Variants in LIMCH1 observed in about 807,000 individuals in gnomAD.
LIMCH1 encodes the protein LIM and calponin homology domains-containing protein 1.
In LIMCH1, 113 loss-of-function variants were observed where a neutral mutation model predicts 176.5. The ratio of observed to expected loss-of-function variants is 0.64; its 90% CI spans 0.55 to 0.75. The LOEUF is 0.75. LIMCH1 is among the 30% of genes least tolerant of loss of function. The pLI, the probability that LIMCH1 is intolerant of heterozygous loss-of-function variation, is 0.00. For missense variants in LIMCH1, 1,674 were observed against 1,814.9 expected (o/e 0.92, Z 1.41); for synonymous variants, 619 against 645.9 (o/e 0.96, Z 0.63).
At chr4:41,364,629 A>C (rs547983238) in intron 1 of LIMCH1, among the ~76,000 whole-genome samples, 49 of 152,308 alleles carry the variant, frequency 3.2e-4, no homozygotes, top group African/African-American at 1.1e-3. Context: ...TAGTCCATCA[A>C]AGCTTAGAAA....
rs538362017 is a variant in LIMCH1, at chr4:41,598,074, T to C, written c.-240-846T>C. Among the ~76,000 whole-genome samples, 389 of 152,348 alleles carry C rather than the reference T, an allele frequency of 2.6e-3. 1 individual carries two copies. Among genetic ancestry groups the C allele is most frequent in the African/African-American group, 9.1e-3 (379 of 41,586 alleles). Reference sequence around the variant, plus strand: ...CTATCCTGTAGTTTTCACTAACTGATGGGGTCAGTTAGCACCTTCAAAAGT... The same window carrying C: ...CTATCCTGTAGTTTTCACTAACTGACGGGGTCAGTTAGCACCTTCAAAAGT... On this transcript the variant is annotated intron_variant, in intron 1 of 31. Transcript: ENST00000503057.
At chr4:41,374,041 G>A (rs1455276022) in intron 1 of LIMCH1, among the ~76,000 whole-genome samples, 1 of 152,164 alleles carries the variant, frequency 6.6e-6, no homozygotes, top group African/African-American at 2.4e-5. Flanking sequence ...TGTAGAGCCT[G>A]CAGGACTGTA....
chr4:41,441,434 CTT>C lies in LIMCH1; in HGVS notation c.97-53101_97-53100del. Among the ~76,000 whole-genome samples the C allele has an allele frequency of 2.0e-5, 3 of 152,162 alleles. No individual in the cohort carries two copies. The South Asian group carries it at 6.2e-4, about 32-fold the overall frequency. The stretch of plus-strand genomic sequence containing the variant: ...CTTAAAAACTTAGGGCATTCTCTCT[CTT>C]GAGTCGGTCATTTTTTTTTCACTTT... On this transcript the variant is annotated intron_variant, in intron 1 of 26. Coordinates refer to the LIMCH1 transcript ENST00000313860.
intron 14 of LIMCH1, among the ~76,000 whole-genome samples, chr4:41,641,477 T>G (rs1050235803): frequency 6.6e-6 from 1 of 151,916 alleles, no homozygotes; most frequent in Admixed American, 6.6e-5. Context: ...AAAAAAATCT[T>G]GAGAAAAAAA....
chr4:41,550,968 A>G lies in LIMCH1; in HGVS notation c.-241+12618A>G, dbSNP rs191945734. On this transcript the variant is annotated intron_variant, in intron 1 of 31. Transcript: ENST00000503057. ...AAATATGATTAATTACAAAGCTTTT[A>G]GCTTCCATCAGACTTAGTTAATTTC... is the stretch of plus-strand genomic sequence containing the variant. 2.0e-3 allele frequency among the ~76,000 whole-genome samples: 298 copies of G among 152,340 alleles called. 1 individual carries two copies. Among genetic ancestry groups the G allele is most frequent in the South Asian group, 7.7e-3 (37 of 4,832 alleles).
chr4:41,626,621 T>G, intron 7 of LIMCH1, 87 bp from the exon 8 acceptor site: 2 of 1,092,764 alleles, frequency 1.8e-6, no homozygotes, highest in East Asian at 5.2e-5. Flanking sequence ...GACTTTTCAC[T>G]AACAACACAG....
intron 1 of LIMCH1, among the ~76,000 whole-genome samples, chr4:41,571,334 A>G (rs1396976151): frequency 6.6e-6 from 1 of 152,090 alleles, no homozygotes; most frequent in Non-Finnish European, 1.5e-5. Context: ...AAGGAAGGAG[A>G]GACTTCTTTT....
intron 2 of LIMCH1, among the ~76,000 whole-genome samples, chr4:41,511,623 G>C (rs2074938403): frequency 6.6e-6 from 1 of 152,196 alleles, no homozygotes; most frequent in Non-Finnish European, 1.5e-5. Context: ...TATGCCTAAT[G>C]GTGCTTGCAC....
chr4:41,479,613 C>G (rs2068266093), intron 1 of LIMCH1, among the ~76,000 whole-genome samples: 1 of 152,140 alleles, frequency 6.6e-6, no homozygotes, highest in South Asian at 2.1e-4. Context: ...ATATATTTAG[C>G]TTTCCCCAAA....
chr4:41,552,127 T>C, intron 1 of LIMCH1, among the ~76,000 whole-genome samples: 1 of 152,128 alleles, frequency 6.6e-6, no homozygotes, highest in East Asian at 1.9e-4. Flanking sequence ...GTTATGAGAC[T>C]TATTCACTAT....
intron 1 of LIMCH1, among the ~76,000 whole-genome samples, chr4:41,544,811 C>T (rs937553861): frequency 1.3e-5 from 2 of 152,196 alleles, no homozygotes; most frequent in African/African-American, 4.8e-5. Flanking sequence ...CCTCATTTAT[C>T]TGTGCTGGGG....
intron 23 of LIMCH1, among the ~76,000 whole-genome samples, chr4:41,678,320 G>A (rs2153037451): frequency 6.6e-6 from 1 of 152,114 alleles, no homozygotes; most frequent in Non-Finnish European, 1.5e-5. Flanking sequence ...AGGTGGTAGT[G>A]TGGTTTTGGC....
At chr4:41,667,380 A>G (rs1418263016) in intron 21 of LIMCH1, among the ~76,000 whole-genome samples, 1 of 151,996 alleles carries the variant, frequency 6.6e-6, no homozygotes, top group Non-Finnish European at 1.5e-5. Flanking sequence ...TGTGTATTAC[A>G]TAAATTACAT....
chr4:41,640,586 A>T (rs1029639908), intron 14 of LIMCH1, among the ~76,000 whole-genome samples: 2 of 152,166 alleles, frequency 1.3e-5, no homozygotes, highest in Non-Finnish European at 2.9e-5. Context: ...TTATCTAGGG[A>T]TATCCAAAGT....
At position 41,629,582 on chromosome 4, in the gene LIMCH1, G is replaced by C. The variant is rs2093189522; in HGVS notation, c.1119G>C (p.Lys373Asn). The change falls in exon 9 of 32, where the codon AAG becomes AAC. Residue 373 changes from lysine to asparagine, a missense_variant. Lys to Asn is a moderately conservative substitution (Grantham distance 94). Transcript: ENST00000503057. The part of the protein sequence containing the change: ...ESEPVEGGLR[K>N]VPDLHKDDLA... ...AACCTGTGGAAGGAGGACTCAGGAA[G>C]GTGCCAGATCTTCACAAGGATGACC... 1.7e-5 allele frequency: 26 copies of C among 1,535,952 alleles called. No individual in the cohort carries two copies. In the East Asian group the frequency reaches 6.4e-4, roughly 38 times the overall value.
intron 2 of LIMCH1, among the ~76,000 whole-genome samples, chr4:41,518,873 G>A (rs561817563): frequency 2.5e-4 from 38 of 151,578 alleles, no homozygotes; most frequent in Non-Finnish European, 5.0e-4. Context: ...TGAGGATGAT[G>A]GTTTCCAGCT....
At chr4:41,497,604 G>A (rs1355493860) in intron 2 of LIMCH1, among the ~76,000 whole-genome samples, 1 of 152,142 alleles carries the variant, frequency 6.6e-6, no homozygotes, top group African/African-American at 2.4e-5. Context: ...AGGAGTTCAA[G>A]ACCAGCCTGG....
intron 1 of LIMCH1, among the ~76,000 whole-genome samples, chr4:41,390,092 A>G (rs906246967): frequency 1.3e-5 from 2 of 152,120 alleles, no homozygotes; most frequent in Non-Finnish European, 2.9e-5. Context: ...TACAGAGCAC[A>G]TGACATTCCT....
At chr4:41,647,168 A>G (rs1240973575) in intron 17 of LIMCH1, among the ~76,000 whole-genome samples, 1 of 152,218 alleles carries the variant, frequency 6.6e-6, no homozygotes, top group African/African-American at 2.4e-5. Context: ...CTAGTTTGAT[A>G]TAATGGCATG....
Sources: allele counts gnomAD v4.1 joint callset (sites outside exome capture counted in the v4.1 genomes callset), GRCh38; gene constraint gnomAD v4.1.1; transcripts MANE v1.5; gene names NCBI Gene and HGNC (gene_info 2026-07-23, HGNC 2026-07-21).